NPM2: variants seen among roughly 807,000 people sequenced by gnomAD.
The protein encoded by NPM2 is nucleoplasmin-2.
In NPM2, 25 loss-of-function variants were observed where a neutral mutation model predicts 32.0. That is an observed-to-expected ratio of 0.78 (90% confidence interval 0.57 to 1.09). The LOEUF (loss-of-function observed/expected upper bound fraction) is 1.09. NPM2 is among the 50% of genes least tolerant of loss of function. The pLI, the probability that NPM2 is intolerant of heterozygous loss-of-function variation, is 0.00. For synonymous variants in NPM2, 111 were observed against 94.2 expected, an observed-to-expected ratio of 1.18 and a Z score of -1.04; for missense variants, 282 against 259.9, an observed-to-expected ratio of 1.08 and a Z score of -0.58.
chr8:22,025,460 G>A lies in NPM2; in HGVS notation c.83G>A (p.Arg28Gln). 1.9e-6 allele frequency: 3 copies of A among 1,614,118 alleles called. No homozygotes were observed. The highest frequency in any genetic ancestry group is 1.7e-6 in the Non-Finnish European group (2 of 1,180,002). The change falls in exon 4 of 10, where the codon CGG becomes CAG. Residue 28 changes from arginine to glutamine, a missense_variant. Arg to Gln is a conservative substitution (Grantham distance 43). Coordinates refer to ENST00000518119, the MANE Select transcript of NPM2 (RefSeq NM_001286680.2). Reference protein sequence around the residue: ...LWGCELSQERRTWTFRPQLEG... With the variant: ...LWGCELSQERQTWTFRPQLEG... ...GGCTGCGAGCTCAGTCAGGAGAGGC[G>A]GACTTGGACCTTCAGACCCCAGCTG...
rs893233363 is a variant in NPM2, at chr8:22,036,838, T to A, written c.*156T>A. 13 of 705,320 alleles carry A rather than the reference T, an allele frequency of 1.8e-5. No homozygotes were observed. The highest frequency in any genetic ancestry group is 1.3e-5 in the Non-Finnish European group (6 of 445,164). 43.7% of individuals were successfully genotyped at this position (705,320 alleles called of 1,614,324 possible). On this transcript the variant is annotated 3_prime_UTR_variant, in exon 10 of 10. Coordinates refer to ENST00000518119, the MANE Select transcript of NPM2 (RefSeq NM_001286680.2). ...GCCCCTCACCCCCAACTCTCCACTT[T>A]CAGGAGGCCCCCAGTGAAGAGCCCC...
Position 22,025,480 on chromosome 8 carries a change from C to T in NPM2, c.103C>T (p.Gln35Ter), listed in dbSNP as rs62492152. The T allele has an allele frequency of 6.2e-7, 1 of 1,614,048 alleles. No individual in the cohort carries two copies. The highest frequency in any genetic ancestry group is 1.7e-5 in the Admixed American group (1 of 60,002). ...QERRTWTFRPQLEGKQSCRLL... is the reference protein window; with the variant it reads ...QERRTWTFRP The stretch of plus-strand genomic sequence containing the variant: ...GAGGCGGACTTGGACCTTCAGACCC[C>T]AGCTGGAGGGGAAGCAGAGCTGCAG... Residue 35 changes from glutamine (Q) to a stop codon, truncating the protein, a stop_gained, in exon 4 of 10, where the codon CAG becomes TAG. Coordinates refer to ENST00000518119, the MANE Select transcript of NPM2 (RefSeq NM_001286680.2). LOFTEE classifies it high-confidence loss of function.
chr8:22,033,522 C>G (rs1435972441), intron 6 of NPM2, among the ~76,000 whole-genome samples: 1 of 152,158 alleles, frequency 6.6e-6, no homozygotes, highest in Non-Finnish European at 1.5e-5. Context: ...ACTAGGGAAC[C>G]ACTGTTCAGG....
At chr8:22,031,882 CATCCTCTCTTCATTTTTTATGTACGAGG>C (rs1800454282) in intron 5 of NPM2, among the ~76,000 whole-genome samples, 1 of 152,212 alleles carries the variant, frequency 6.6e-6, no homozygotes, top group African/African-American at 2.4e-5. Flanking sequence ...AATCAGAAGG[CATCCTCTCTTCATTTTTTATGTACGAGG>C]ATTCTTCTGT....
intron 5 of NPM2, among the ~76,000 whole-genome samples, chr8:22,027,401 A>G (rs1483563846): frequency 1.3e-5 from 2 of 152,208 alleles, no homozygotes; most frequent in East Asian, 3.8e-4. Flanking sequence ...AAGACTCAGG[A>G]ACTTATTTCT....
intron 4 of NPM2, 24 bp from the exon 5 acceptor site, chr8:22,025,623 G>T: frequency 6.2e-7 from 1 of 1,614,158 alleles, no homozygotes; most frequent in Non-Finnish European, 8.5e-7. Context: ...GTGATGAGGG[G>T]CCTCTATTTT....
chr8:22,024,232 G>A lies in NPM2; in HGVS notation c.-532G>A, dbSNP rs2117439979. 6.6e-6 allele frequency: 1 copy of A among 152,530 alleles called. No homozygotes were observed. The highest frequency in any genetic ancestry group is 2.1e-4 in the South Asian group (1 of 4,870). 9.4% of individuals were successfully genotyped at this position (152,530 alleles called of 1,614,324 possible). A position where few individuals can be genotyped will look rare whatever the true frequency, so the allele number is the denominator to read the frequency against. ...TCTCCGCGGGAGATCTCACCGTTCT[G>A]GAGACAGGGCTCGCTCGCTCTCACG... On this transcript the variant is annotated 5_prime_UTR_variant, in exon 1 of 10. Transcript: ENST00000518119.
chr8:22,034,238 A>G lies in NPM2; in HGVS notation c.494A>G (p.Lys165Arg). 1 of 1,606,728 alleles carries G rather than the reference A, an allele frequency of 6.2e-7. No homozygotes were observed. The highest frequency in any genetic ancestry group is 2.2e-5 in the East Asian group (1 of 44,838). Residue 165 changes from lysine (K) to arginine (R), a missense_variant, in exon 7 of 10, where the codon AAA becomes AGA. By Grantham distance (26) the Lys-to-Arg change is conservative. Coordinates refer to ENST00000518119, the MANE Select transcript of NPM2 (RefSeq NM_001286680.2). ...LEEQSPVKQV[K>R]RLVPQKQASV... is the part of the protein sequence containing the mutation. The stretch of plus-strand genomic sequence containing the variant: ...GAGCAAAGCCCTGTCAAACAAGTCA[A>G]AAGGCTGGTGCCCCAGAAGCAGGCG...
At chr8:22,025,814 A>G (rs750994098) in intron 5 of NPM2, 42 bp downstream of exon 5, 1 of 1,612,074 alleles carries the variant, frequency 6.2e-7, no homozygotes, top group South Asian at 1.1e-5. Context: ...TGTCAGCCTC[A>G]CCCTCACCCT....
Position 22,033,181 on chromosome 8 carries a change from G to C in NPM2, c.322G>C (p.Ala108Pro). The C allele has an allele frequency of 1.2e-6, 2 of 1,614,086 alleles. No homozygotes were observed. The highest frequency in any genetic ancestry group is 1.7e-6 in the Non-Finnish European group (2 of 1,180,022). The change falls in exon 6 of 10, where the codon GCT becomes CCT. Residue 108 changes from alanine to proline, a missense_variant. Coordinates refer to ENST00000518119, the MANE Select transcript of NPM2 (RefSeq NM_001286680.2). ...TCCCCCAGTTACTTTCCAGCTCCGG[G>C]CTGGCTCAGGACCCGTGTTCCTCAG... is the stretch of plus-strand genomic sequence containing the variant. Reference protein sequence around the residue: ...LSPPVTFQLRAGSGPVFLSGQ... With the variant: ...LSPPVTFQLRPGSGPVFLSGQ...
chr8:22,032,665 G>A (rs11135801), intron 5 of NPM2, among the ~76,000 whole-genome samples: 22,128 of 152,066 alleles, frequency 0.15, 1,795 homozygotes, highest in East Asian at 0.35. Context: ...AGTTGCAGAC[G>A]GCAGCCTTCT....
In NPM2 at chr8:22,025,685, C is replaced by T. The variant is rs765146824; in HGVS notation, c.183C>T (p.Arg61=). 8.7e-6 allele frequency: 14 copies of T among 1,614,146 alleles called. No individual in the cohort carries two copies. In the East Asian group the frequency reaches 1.8e-4, roughly 21 times the overall value. The change falls in exon 5 of 10, where the codon CGC becomes CGT. Residue 61 remains arginine (R), a synonymous_variant. Transcript: ENST00000518119. ...LGEKAKEEMH[R]VEILPPANQE... The stretch of plus-strand genomic sequence containing the variant: ...AGAAAGCCAAAGAGGAGATGCATCG[C>T]GTGGAGATCCTGCCCCCAGCAAACC...
At chr8:22,035,671 C>T (rs954197735) in intron 8 of NPM2, among the ~76,000 whole-genome samples, 8 of 152,132 alleles carry the variant, frequency 5.3e-5, no homozygotes, top group African/African-American at 1.4e-4. Flanking sequence ...CGGTGGCTCA[C>T]GCCTGTAATC....
In NPM2 at chr8:22,036,494, G is replaced by C; in HGVS notation, c.568G>C (p.Ala190Pro). 1 of 1,604,966 alleles carries C rather than the reference G, an allele frequency of 6.2e-7. No individual in the cohort carries two copies. Among genetic ancestry groups the C allele is most frequent in the African/African-American group, 1.3e-5 (1 of 74,728 alleles). Residue 190 changes from alanine (A) to proline (P), a missense_variant and splice_region_variant, in exon 9 of 10, where the codon GCC becomes CCC. Transcript: ENST00000518119. ...KLEKEEEEIR[A>P]SVRDKSPVKK... ...CTGCTCCGCTCCACCCTGTTGCAGA[G>C]CCAGCGTTAGAGACAAGAGCCCTGT... is the stretch of plus-strand genomic sequence containing the variant.
At chr8:22,026,421 CAT>C (rs918504061) in intron 5 of NPM2, among the ~76,000 whole-genome samples, 2 of 148,006 alleles carry the variant, frequency 1.4e-5, no homozygotes, top group African/African-American at 5.0e-5. Context: ...GTTTTCTATG[CAT>C]ATAATAATTG....
At chr8:22,026,824 A>G (rs1198666912) in intron 5 of NPM2, among the ~76,000 whole-genome samples, 1 of 152,206 alleles carries the variant, frequency 6.6e-6, no homozygotes, top group African/African-American at 2.4e-5. Context: ...TTGGGTGAAC[A>G]TGAGATCAGG....
chr8:22,030,449 A>C (rs936062340), intron 5 of NPM2, among the ~76,000 whole-genome samples: 1 of 151,868 alleles, frequency 6.6e-6, no homozygotes, highest in Non-Finnish European at 1.5e-5. Context: ...TATGTTATCC[A>C]GGCTGGTTTC....
Position 22,025,525 on chromosome 8 carries a change from G to C in NPM2, c.144+4G>C, listed in dbSNP as rs773525349. On this transcript the variant is annotated splice_donor_region_variant and intron_variant, in intron 4 of 9. Coordinates refer to ENST00000518119, the MANE Select transcript of NPM2 (RefSeq NM_001286680.2). The stretch of plus-strand genomic sequence containing the variant: ...CTGCAGGCTGTTGCTTCATACGGTA[G>C]GTGTTCCCAAAAGAGGGGAGGAAGA... 5.0e-6 allele frequency: 8 copies of C among 1,613,944 alleles called. No individual in the cohort carries two copies. Among genetic ancestry groups the C allele is most frequent in the Non-Finnish European group, 8.5e-7 (1 of 1,179,960 alleles).
chr8:22,025,135 C>T (rs149954729), intron 2 of NPM2, 81 bp from the exon 3 acceptor site: 76 of 1,216,170 alleles, frequency 6.2e-5, no homozygotes, highest in Middle Eastern at 5.3e-4. Context: ...CAGTACCTGC[C>T]GATGCCTGCT....
Sources: allele counts gnomAD v4.1 joint callset (sites outside exome capture counted in the v4.1 genomes callset), GRCh38; gene constraint gnomAD v4.1.1; transcripts MANE v1.5; gene names NCBI Gene and HGNC (gene_info 2026-07-23, HGNC 2026-07-21).